The following ELMO1 variants were observed in gnomAD, a reference collection of about 807,000 sequenced individuals.
The protein encoded by ELMO1 is engulfment and cell motility 1, also known as engulfment and cell motility protein 1.
ELMO1 carries 26 observed loss-of-function variants against 98.9 expected under a neutral mutation model. The ratio of observed to expected loss-of-function variants is 0.26; its 90% CI spans 0.19 to 0.36. The LOEUF is 0.36. ELMO1 is among the 10% of genes least tolerant of loss of function. The pLI, the probability that ELMO1 is intolerant of heterozygous loss-of-function variation, is 1.00. For missense variants in ELMO1, 627 were observed against 935.2 expected (o/e 0.67, Z 4.30); for synonymous variants, 346 against 346.0 (o/e 1.00, Z 0.00).
At chr7:37,343,875 T>G (rs1012448064) in intron 1 of ELMO1, among the ~76,000 whole-genome samples, 2 of 152,132 alleles carry the variant, frequency 1.3e-5, no homozygotes, top group Non-Finnish European at 2.9e-5. Context: ...GTAGAGTCTC[T>G]TCTCCCAGTG....
Position 36,870,657 on chromosome 7 carries a change from T to C in ELMO1, c.1823-182A>G, listed in dbSNP as rs1411764205. Among the ~76,000 whole-genome samples, 2 of 152,136 alleles carry C rather than the reference T, an allele frequency of 1.3e-5. No homozygotes were observed. Among genetic ancestry groups the C allele is most frequent in the Non-Finnish European group, 2.9e-5 (2 of 68,024 alleles). On this transcript the variant is annotated intron_variant, in intron 19 of 21. Transcript: ENST00000310758. This position sits in a 1 kb window ranked among gnomAD's most constrained non-coding sequence, Gnocchi z 4.4. ...AGTGTCCCAGGATTAGAAACTAAAA[T>C]ATATCTTATATTCTGGGAAAAAGCA... is the stretch of plus-strand genomic sequence containing the variant.
At chr7:36,911,494 G>A (rs1474975238) in intron 16 of ELMO1, among the ~76,000 whole-genome samples, 2 of 152,048 alleles carry the variant, frequency 1.3e-5, no homozygotes, top group Admixed American at 1.3e-4. Flanking sequence ...GCTTCCAAAC[G>A]AACATCTCAT....
At chr7:37,077,375 C>T (rs1411839633) in intron 15 of ELMO1, among the ~76,000 whole-genome samples, 1 of 152,154 alleles carries the variant, frequency 6.6e-6, no homozygotes, top group African/African-American at 2.4e-5. Context: ...CCAGTGTGGG[C>T]CATGGCCCAG....
intron 10 of ELMO1, 147 bp downstream of exon 10, chr7:37,222,468 C>T (rs771431135): frequency 1.3e-6 from 1 of 779,728 alleles, no homozygotes; most frequent in Non-Finnish European, 2.1e-6. Context: ...GCCAGCCGTG[C>T]AGCGGAACAT....
intron 16 of ELMO1, among the ~76,000 whole-genome samples, chr7:36,924,553 C>T (rs1371428211): frequency 1.3e-5 from 2 of 152,214 alleles, no homozygotes; most frequent in African/African-American, 4.8e-5. Context: ...AGTGGAAACA[C>T]TGAGTAAAAA....
At chr7:37,082,320 A>G (rs1378103614) in intron 15 of ELMO1, among the ~76,000 whole-genome samples, 5 of 151,986 alleles carry the variant, frequency 3.3e-5, no homozygotes, top group African/African-American at 1.2e-4. Context: ...ACCACTTCCT[A>G]TATCTGTTCT....
intron 16 of ELMO1, among the ~76,000 whole-genome samples, chr7:36,970,499 G>A (rs1200682342): frequency 6.6e-6 from 1 of 152,182 alleles, no homozygotes; most frequent in Non-Finnish European, 1.5e-5. Context: ...TGGTTAACTA[G>A]CTAATGTTGC....
At chr7:37,151,495 A>G (rs138312771) in intron 13 of ELMO1, among the ~76,000 whole-genome samples, 76 of 152,178 alleles carry the variant, frequency 5.0e-4, no homozygotes, top group Non-Finnish European at 9.7e-4. Context: ...AAGCCTTCCG[A>G]CCTGTAAATA....
chr7:37,132,368 A>G (rs948173152), intron 14 of ELMO1, among the ~76,000 whole-genome samples: 1 of 152,136 alleles, frequency 6.6e-6, no homozygotes, highest in Non-Finnish European at 1.5e-5. Flanking sequence ...CCCCTGCCCC[A>G]TTTATTCATA....
chr7:37,278,060 C>T (rs1206779548), intron 4 of ELMO1, among the ~76,000 whole-genome samples: 7 of 151,372 alleles, frequency 4.6e-5, no homozygotes, highest in Non-Finnish European at 1.0e-4. Flanking sequence ...CCCAACTAAA[C>T]CAAACTTCCA....
chr7:37,352,839 G>GT (rs1476152129), intron 1 of ELMO1, among the ~76,000 whole-genome samples: 1 of 152,196 alleles, frequency 6.6e-6, no homozygotes, highest in African/African-American at 2.4e-5. Flanking sequence ...CAGAATACTT[G>GT]TATTTGTGAT....
chr7:37,062,366 G>T (rs906515003), intron 15 of ELMO1, among the ~76,000 whole-genome samples: 1 of 152,158 alleles, frequency 6.6e-6, no homozygotes, highest in Non-Finnish European at 1.5e-5. Flanking sequence ...CTATGAGGAT[G>T]AACATTTTTC....
In ELMO1 at chr7:37,183,249, G is replaced by A. The variant is rs1413067213; in HGVS notation, c.1086+28137C>T. ...CAGGTCTATCGAGAGTGAGCAACAC[G>A]TTCATTTTCACAGCAACTAAATACA... On this transcript the variant is annotated intron_variant, in intron 13 of 21. Coordinates refer to ENST00000310758, the MANE Select transcript of ELMO1 (RefSeq NM_014800.11). Among the ~76,000 whole-genome samples the A allele has an allele frequency of 1.3e-5, 2 of 152,216 alleles. 1 individual carries two copies. Among genetic ancestry groups the A allele is most frequent in the Non-Finnish European group, 2.9e-5 (2 of 68,042 alleles).
chr7:36,957,219 A>G (rs1048611344), intron 16 of ELMO1, among the ~76,000 whole-genome samples: 6 of 145,236 alleles, frequency 4.1e-5, no homozygotes, highest in African/African-American at 1.7e-4. Context: ...CTAGAAAGTA[A>G]TGAACAAATG....
At chr7:37,249,820 T>C (rs1795237968) in intron 6 of ELMO1, among the ~76,000 whole-genome samples, 1 of 152,210 alleles carries the variant, frequency 6.6e-6, no homozygotes, top group Admixed American at 6.5e-5. Flanking sequence ...AGCTCACACC[T>C]ATAATCCCAG....
intron 16 of ELMO1, among the ~76,000 whole-genome samples, chr7:36,983,588 T>G (rs1238148503): frequency 6.6e-6 from 1 of 152,184 alleles, no homozygotes; most frequent in Non-Finnish European, 1.5e-5. Context: ...GCGACTAAAT[T>G]TCCTCATCTA....
chr7:36,879,087 C>T (rs1804212121), intron 18 of ELMO1, among the ~76,000 whole-genome samples: 1 of 152,178 alleles, frequency 6.6e-6, no homozygotes, highest in African/African-American at 2.4e-5. Flanking sequence ...CCATTATCTG[C>T]TACAGACCCT....
rs75571147 is a variant in ELMO1, at chr7:37,416,634, T to C, written c.-74+32041A>G. 3.0e-3 allele frequency among the ~76,000 whole-genome samples: 452 copies of C among 152,350 alleles called. 5 individuals carry two copies. In the East Asian group the frequency reaches 0.036, roughly 12 times the overall value. The stretch of plus-strand genomic sequence containing the variant: ...ACAACAGCTCAAGGCCTAGATTCTC[T>C]GGAATTTTCCCAAGAGAGTTATTTT... On this transcript the variant is annotated intron_variant, in intron 1 of 21. Transcript: ENST00000310758.
At chr7:36,966,965 T>G (rs138615244) in intron 16 of ELMO1, among the ~76,000 whole-genome samples, 130 of 152,250 alleles carry the variant, frequency 8.5e-4, no homozygotes, top group African/African-American at 3.0e-3. Context: ...GAAATAGACA[T>G]GGAGAATAAG....
Sources: allele counts gnomAD v4.1 joint callset (sites outside exome capture counted in the v4.1 genomes callset), GRCh38; gene constraint gnomAD v4.1.1; non-coding constraint Gnocchi (gnomAD v3.1); transcripts MANE v1.5; gene names NCBI Gene and HGNC (gene_info 2026-07-23, HGNC 2026-07-21).